The following KLF13 variants were observed in gnomAD, a reference collection of about 807,000 sequenced individuals.
KLF13 encodes the protein Krueppel-like factor 13.
In KLF13, 8 loss-of-function variants were observed where a neutral mutation model predicts 16.7. The observed-to-expected ratio is 0.48, with a 90% confidence interval of 0.28 to 0.87. The LOEUF (loss-of-function observed/expected upper bound fraction) is 0.87, where lower values mean the gene tolerates loss of function less well. Ranked by LOEUF, KLF13 falls within the 40% of genes least tolerant of loss-of-function variation. The pLI is 0.10. For missense variants in KLF13, 447 were observed against 452.2 expected (o/e 0.99, Z 0.10); for synonymous variants, 245 against 208.4 (o/e 1.18, Z -1.51).
intron 1 of KLF13, among the ~76,000 whole-genome samples, chr15:31,349,987 C>G (rs1403280166): frequency 6.6e-6 from 1 of 152,242 alleles, no homozygotes; most frequent in Non-Finnish European, 1.5e-5. Flanking sequence ...GCCAAGTCCT[C>G]AGAGTAGCCT....
chr15:31,338,815 C>T (rs1292747916), intron 1 of KLF13, among the ~76,000 whole-genome samples: 2 of 152,044 alleles, frequency 1.3e-5, no homozygotes, highest in Non-Finnish European at 2.9e-5. Context: ...TTCAGTCTGG[C>T]CCCATTCTCA....
At chr15:31,424,213 A>G (rs1423817175) in intron 1 of KLF13, among the ~76,000 whole-genome samples, 1 of 152,174 alleles carries the variant, frequency 6.6e-6, no homozygotes, top group African/African-American at 2.4e-5. Context: ...TTGAAGAAAA[A>G]GGAATTTGAT....
chr15:31,434,434 C>G (rs1452357790), intron 1 of KLF13, among the ~76,000 whole-genome samples: 2 of 152,100 alleles, frequency 1.3e-5, no homozygotes, highest in East Asian at 1.9e-4. Context: ...AACAGTACCC[C>G]CCAAGGGAGG....
rs1036270053 is a variant in KLF13, at chr15:31,374,707, G to A, written c.*2408G>A. ...GGCTGGCAAAGTGCTCTCCAGGGAGGGGTCAGACGTCCTTGTGATCTGCCC... is the reference window on the plus strand; with the variant it reads ...GGCTGGCAAAGTGCTCTCCAGGGAGAGGTCAGACGTCCTTGTGATCTGCCC... On this transcript the variant is annotated 3_prime_UTR_variant, in exon 2 of 2. Coordinates refer to ENST00000307145, the MANE Select transcript of KLF13 (RefSeq NM_015995.4). 5.2e-5 allele frequency: 8 copies of A among 152,468 alleles called. No homozygotes were observed. The highest frequency in any genetic ancestry group is 1.7e-4 in the African/African-American group (7 of 41,414). 9.4% of individuals were successfully genotyped at this position (152,468 alleles called of 1,614,324 possible).
chr15:31,435,029 G>A (rs1012140393), intron 1 of KLF13, among the ~76,000 whole-genome samples: 4 of 152,194 alleles, frequency 2.6e-5, no homozygotes, highest in Admixed American at 6.5e-5. Context: ...TTGAGCCGTC[G>A]CAGCTCAGCC....
At chr15:31,433,356 G>A (rs1469548734) in intron 1 of KLF13, among the ~76,000 whole-genome samples, 1 of 152,104 alleles carries the variant, frequency 6.6e-6, no homozygotes, top group African/African-American at 2.4e-5. Flanking sequence ...GTGAATAACC[G>A]AGGAGTCCCT....
chr15:31,356,491 T>A (rs2039302250), intron 1 of KLF13, among the ~76,000 whole-genome samples: 1 of 152,154 alleles, frequency 6.6e-6, no homozygotes, highest in Non-Finnish European at 1.5e-5. Flanking sequence ...GACAGAGGTT[T>A]CAATGAGCCA....
chr15:31,370,533 T>G (rs576557758), intron 1 of KLF13, among the ~76,000 whole-genome samples: 11 of 152,078 alleles, frequency 7.2e-5, no homozygotes, highest in Non-Finnish European at 1.6e-4. Flanking sequence ...ATTCTCCTGC[T>G]TCAGCCTGCC....
rs2038722722 is a variant in KLF13, at chr15:31,327,119, C to T, written c.-94C>T. 3 of 1,079,222 alleles carry T rather than the reference C, an allele frequency of 2.8e-6. No individual in the cohort carries two copies. The highest frequency in any genetic ancestry group is 1.7e-5 in the African/African-American group (1 of 59,052). 66.9% of individuals were successfully genotyped at this position (1,079,222 alleles called of 1,614,324 possible). A position where few individuals can be genotyped will look rare whatever the true frequency, so the allele number is the denominator to read the frequency against. ...CAGCCCGAGGAGAGGGCGCGCCGCGCCCCCGCCCCCCGCCCGCTCTCCCGA... is the reference window on the plus strand; with the variant it reads ...CAGCCCGAGGAGAGGGCGCGCCGCGTCCCCGCCCCCCGCCCGCTCTCCCGA... On this transcript the variant is annotated 5_prime_UTR_variant, in exon 1 of 2. Transcript: ENST00000307145.
At chr15:31,370,941 T>G (rs1288761567) in intron 1 of KLF13, among the ~76,000 whole-genome samples, 1 of 152,140 alleles carries the variant, frequency 6.6e-6, no homozygotes, top group African/African-American at 2.4e-5. Context: ...GGGTATCTGC[T>G]TGTGTTTAAG....
intron 1 of KLF13, among the ~76,000 whole-genome samples, chr15:31,371,585 C>T (rs2039555139): frequency 6.6e-6 from 1 of 152,238 alleles, no homozygotes; most frequent in Admixed American, 6.5e-5. Flanking sequence ...TCCCATGGAG[C>T]AGCATGGGCG....
intron 1 of KLF13, among the ~76,000 whole-genome samples, chr15:31,424,232 C>A (rs1371767686): frequency 6.6e-6 from 1 of 152,090 alleles, no homozygotes; most frequent in Non-Finnish European, 1.5e-5. Context: ...ATGAGACCAA[C>A]ATTACTCTGA....
At chr15:31,434,325 A>G (rs1048671110) in intron 1 of KLF13, among the ~76,000 whole-genome samples, 1 of 152,160 alleles carries the variant, frequency 6.6e-6, no homozygotes, top group Non-Finnish European at 1.5e-5. Context: ...GAGACTTGCC[A>G]GTTGGAGAGC....
chr15:31,349,302 C>G (rs116938310), intron 1 of KLF13, among the ~76,000 whole-genome samples: 2,782 of 152,330 alleles, frequency 0.018, 52 homozygotes, highest in Non-Finnish European at 0.029. Context: ...GAGGCTGACA[C>G]TGCTTTCCCC....
chr15:31,412,690 G>A (rs1457960245), intron 1 of KLF13, among the ~76,000 whole-genome samples: 3 of 12,086 alleles, frequency 2.5e-4, no homozygotes, highest in Non-Finnish European at 3.8e-4. Context: ...CCTCCAGCTC[G>A]TGATTTCTTA....
At chr15:31,435,603 G>A (rs2040522211) in exon 2 of KLF13, 1 of 152,162 alleles carries the variant, frequency 6.6e-6, no homozygotes. Context: ...GAAGCCCAGG[G>A]GCTTTTGGCT....
At position 31,423,119 on chromosome 15, in the gene KLF13, A is replaced by G. The variant is rs1320572066; in HGVS notation, n.118-12251A>G. ...TATATACGTATACGTATACGTATATATACGTATATATACGTATACGTATAC... is the reference window on the plus strand; with the variant it reads ...TATATACGTATACGTATACGTATATGTACGTATATATACGTATACGTATAC... On this transcript the variant is annotated intron_variant and non_coding_transcript_variant, in intron 1 of 1. Transcript: ENST00000558225. Among the ~76,000 whole-genome samples the G allele has an allele frequency of 1.3e-3, 172 of 131,954 alleles. 49 individuals are homozygous for G. Among genetic ancestry groups the G allele is most frequent in the South Asian group, 4.4e-3 (20 of 4,516 alleles). 86.6% of individuals were successfully genotyped at this position (131,954 alleles called of 152,430 possible). A position where few individuals can be genotyped will look rare whatever the true frequency, so the allele number is the denominator to read the frequency against.
chr15:31,414,014 A>G (rs551946830), intron 1 of KLF13, among the ~76,000 whole-genome samples: 1 of 152,350 alleles, frequency 6.6e-6, no homozygotes, highest in Non-Finnish European at 1.5e-5. Context: ...GAAAATGATT[A>G]TAACAATGTA....
At chr15:31,398,078 G>A (rs1229625791) in intron 2 of KLF13, among the ~76,000 whole-genome samples, 2 of 152,194 alleles carry the variant, frequency 1.3e-5, no homozygotes, top group African/African-American at 4.8e-5. Context: ...CTGCGTCTCT[G>A]CTCAGGCTCC....
Sources: allele counts gnomAD v4.1 joint callset (sites outside exome capture counted in the v4.1 genomes callset), GRCh38; gene constraint gnomAD v4.1.1; transcripts MANE v1.5; gene names NCBI Gene and HGNC (gene_info 2026-07-23, HGNC 2026-07-21).